TCF4: variants seen among roughly 807,000 people sequenced by gnomAD.
TCF4 encodes the protein SL3-3 enhancer factor 2.
Under a neutral mutation model 82.1 loss-of-function variants are expected in TCF4, and 3 were observed. That is an observed-to-expected ratio of 0.04 (90% CI 0.02 to 0.09). TCF4 has a LOEUF of 0.09. Ranked by LOEUF, TCF4 falls within the 10% of genes least tolerant of loss-of-function variation. The pLI is 1.00. For missense variants in TCF4, 518 were observed against 852.7 expected, an observed-to-expected ratio of 0.61 and a Z score of 4.89; for synonymous variants, 276 against 309.6, an observed-to-expected ratio of 0.89 and a Z score of 1.14.
chr18:55,487,693 G>T (rs1463145470), intron 3 of TCF4, among the ~76,000 whole-genome samples: 1 of 151,964 alleles, frequency 6.6e-6, no homozygotes, highest in African/African-American at 2.4e-5. Flanking sequence ...AACACTGAGT[G>T]AGGGGATCGA....
At chr18:55,589,911 G>A (rs189089248), upstream of TCF4, 4,494 of 861,480 alleles carry the variant, frequency 5.2e-3, 10 homozygotes, top group Middle Eastern at 9.8e-3. Context: ...CTAGAGAGGC[G>A]GCCAAGATGG....
intron 9 of TCF4, among the ~76,000 whole-genome samples, chr18:55,277,251 T>A (rs997296080): frequency 6.6e-6 from 1 of 152,200 alleles, no homozygotes; most frequent in African/African-American, 2.4e-5. Flanking sequence ...GTACTTGAGC[T>A]TTAGTCCTTA....
At chr18:55,528,042 T>C (rs2097011724) in intron 3 of TCF4, among the ~76,000 whole-genome samples, 2 of 152,230 alleles carry the variant, frequency 1.3e-5, no homozygotes, top group South Asian at 4.1e-4. Context: ...AAAAATTTGT[T>C]ACACACAAAA....
At chr18:55,539,343 A>T (rs1449803826) in intron 3 of TCF4, among the ~76,000 whole-genome samples, 1 of 152,202 alleles carries the variant, frequency 6.6e-6, no homozygotes, top group Non-Finnish European at 1.5e-5. Flanking sequence ...GTGGGCAAAG[A>T]AAGAGTTGCC....
At chr18:55,396,742 T>C (rs573009192) in intron 6 of TCF4, among the ~76,000 whole-genome samples, 8 of 152,210 alleles carry the variant, frequency 5.3e-5, no homozygotes, top group African/African-American at 9.6e-5. Flanking sequence ...GCCTGAGCCA[T>C]AACTACTTTT....
chr18:55,577,420 C>G (rs1568444407), intron 3 of TCF4, among the ~76,000 whole-genome samples: 1 of 151,678 alleles, frequency 6.6e-6, no homozygotes, highest in East Asian at 1.9e-4. Context: ...TACCAGTCTC[C>G]AGATATAAAT....
intron 8 of TCF4, among the ~76,000 whole-genome samples, chr18:55,283,918 C>T (rs1435624643): frequency 6.6e-6 from 1 of 152,112 alleles, no homozygotes; most frequent in Non-Finnish European, 1.5e-5. Flanking sequence ...GCTGTCTTTC[C>T]AGGTTGCACA....
upstream of TCF4, chr18:55,589,525 A>G: frequency 2.8e-6 from 3 of 1,052,652 alleles, no homozygotes; most frequent in Non-Finnish European, 3.4e-6. Context: ...CCCCCAAAAA[A>G]GAAATCATTA....
chr18:55,392,488 C>T (rs1233002982), intron 6 of TCF4, among the ~76,000 whole-genome samples: 2 of 147,258 alleles, frequency 1.4e-5, no homozygotes, highest in Non-Finnish European at 3.0e-5. Flanking sequence ...AAAAGAATAT[C>T]ACTGCTTGAT....
chr18:55,315,042 C>A (rs1208166654), intron 8 of TCF4, among the ~76,000 whole-genome samples: 1 of 152,098 alleles, frequency 6.6e-6, no homozygotes, highest in Non-Finnish European at 1.5e-5. Context: ...TCTCTCCCAC[C>A]AATTACCTCA....
intron 2 of TCF4, among the ~76,000 whole-genome samples, chr18:55,596,877 T>G (rs1331461222): frequency 6.6e-6 from 1 of 152,114 alleles, no homozygotes. Context: ...GTGATATGGT[T>G]TGTCTCTGTG....
chr18:55,338,706 C>A (rs561987896), intron 8 of TCF4, among the ~76,000 whole-genome samples: 4 of 152,098 alleles, frequency 2.6e-5, no homozygotes, highest in Admixed American at 1.3e-4. Context: ...TTCTCCCCCC[C>A]ACAACAAATT....
In TCF4 at chr18:55,633,336, G is replaced by C. The variant is rs2097733234; in HGVS notation, c.196-1948C>G. 6.6e-6 allele frequency among the ~76,000 whole-genome samples: 1 copy of C among 152,156 alleles called. No homozygotes were observed. The highest frequency in any genetic ancestry group is 2.4e-5 in the African/African-American group (1 of 41,414). ...GAGGCCTCAGCTTCTCTCCATGTGG[G>C]ACTCGCCACAGTCTGCTTGAGTGTC... is the stretch of plus-strand genomic sequence containing the variant. On this transcript the variant is annotated intron_variant, in intron 1 of 20. Coordinates refer to the TCF4 transcript ENST00000398339. This position sits in a 1 kb window ranked among gnomAD's most constrained non-coding sequence, Gnocchi z 4.0.
At chr18:55,389,900 T>G (rs568711322) in intron 6 of TCF4, among the ~76,000 whole-genome samples, 19 of 151,916 alleles carry the variant, frequency 1.3e-4, no homozygotes, top group African/African-American at 4.6e-4. Flanking sequence ...TGATGAGATC[T>G]GGAAACTGAG....
intron 8 of TCF4, among the ~76,000 whole-genome samples, chr18:55,290,561 G>A (rs986846851): frequency 9.9e-5 from 15 of 152,138 alleles, no homozygotes; most frequent in Non-Finnish European, 1.8e-4. Flanking sequence ...TACAAGAAGG[G>A]AAAGCAGTAC....
chr18:55,447,101 C>T (rs1603470377), intron 5 of TCF4, among the ~76,000 whole-genome samples: 1 of 151,834 alleles, frequency 6.6e-6, no homozygotes, highest in East Asian at 1.9e-4. Context: ...GCTAGAGGTT[C>T]CAGAGTAGCC....
intron 8 of TCF4, among the ~76,000 whole-genome samples, chr18:55,283,661 C>T (rs2063081081): frequency 6.6e-6 from 1 of 152,208 alleles, no homozygotes; most frequent in South Asian, 2.1e-4. Context: ...GCAAATTCCA[C>T]CATTTATTAA....
At chr18:55,403,736 T>C (rs2093952144) in intron 5 of TCF4, 2 of 1,536,674 alleles carry the variant, frequency 1.3e-6, no homozygotes, top group African/African-American at 1.4e-5. Context: ...GCCAAACTGC[T>C]CCACACTTCC....
chr18:55,240,301 A>G (rs2050805114), intron 15 of TCF4, among the ~76,000 whole-genome samples: 1 of 152,224 alleles, frequency 6.6e-6, no homozygotes, highest in Admixed American at 6.5e-5. Flanking sequence ...TTGTTTTTCC[A>G]TTAACACAAA....
Sources: allele counts gnomAD v4.1 joint callset (sites outside exome capture counted in the v4.1 genomes callset), GRCh38; gene constraint gnomAD v4.1.1; non-coding constraint Gnocchi (gnomAD v3.1); transcripts MANE v1.5; gene names NCBI Gene and HGNC (gene_info 2026-07-23, HGNC 2026-07-21).